Variants in GPR107 observed in about 807,000 individuals in gnomAD.
GPR107 encodes protein GPR107.
In GPR107, 31 loss-of-function variants were observed where a neutral mutation model predicts 75.5. That is an observed-to-expected ratio of 0.41 (90% confidence interval 0.31 to 0.55). The LOEUF (loss-of-function observed/expected upper bound fraction) is 0.55, where lower values mean the gene tolerates loss of function less well. GPR107 is among the 20% of genes least tolerant of loss of function. The pLI is 0.26. For missense variants in GPR107, 572 were observed against 665.7 expected (o/e 0.86, Z 1.55); for synonymous variants, 267 against 251.3 (o/e 1.06, Z -0.59).
chr9:130,097,256 G>A (rs984134282), intron 9 of GPR107, among the ~76,000 whole-genome samples: 2 of 145,786 alleles, frequency 1.4e-5, no homozygotes, highest in Non-Finnish European at 3.0e-5. Flanking sequence ...CTGAGTGCAA[G>A]CGATTCTCCT....
intron 14 of GPR107, among the ~76,000 whole-genome samples, chr9:130,109,959 T>C (rs1831254915): frequency 6.6e-6 from 1 of 152,198 alleles, no homozygotes. Flanking sequence ...CTTCCGGCTG[T>C]TTGGCTAAAA....
Position 130,135,826 on chromosome 9 carries a change from G to C in GPR107, c.*705G>C, listed in dbSNP as rs1346575711. 1.3e-5 allele frequency: 2 copies of C among 152,290 alleles called. No individual in the cohort carries two copies. Among genetic ancestry groups the C allele is most frequent in the Non-Finnish European group, 2.9e-5 (2 of 68,088 alleles). The allele number at this position is 152,290 out of a possible 1,614,324, so 9.4% of individuals were successfully genotyped here. A position where few individuals can be genotyped will look rare whatever the true frequency, so the allele number is the denominator to read the frequency against. On this transcript the variant is annotated 3_prime_UTR_variant, in exon 18 of 18. Coordinates refer to ENST00000347136, the MANE Select transcript of GPR107 (RefSeq NM_020960.5). ...GGATCATGCCCTGTGGCACAGCACA[G>C]GTGGTGGGAGGTGGTTTTCTGACTG...
At chr9:130,094,767 G>A (rs1830824364) in intron 9 of GPR107, among the ~76,000 whole-genome samples, 1 of 151,812 alleles carries the variant, frequency 6.6e-6, no homozygotes, top group Admixed American at 6.6e-5. Context: ...CGCAACCTCT[G>A]TCCCCCAGGT....
intron 11 of GPR107, 60 bp from the exon 12 acceptor site, chr9:130,101,045 CT>C (rs1831017619): frequency 1.1e-6 from 1 of 945,410 alleles, no homozygotes; most frequent in Non-Finnish European, 1.7e-6. Flanking sequence ...GCTATGCAAT[CT>C]AACTGGCAGT....
chr9:130,076,553 T>A, intron 3 of GPR107, 91 bp downstream of exon 3: 1 of 603,548 alleles, frequency 1.7e-6, no homozygotes, highest in Non-Finnish European at 2.9e-6. Context: ...TCCATTTTCA[T>A]TTTTTTTTTG....
chr9:130,108,462 T>G (rs1344415932), intron 14 of GPR107, among the ~76,000 whole-genome samples: 1 of 152,250 alleles, frequency 6.6e-6, no homozygotes, highest in Non-Finnish European at 1.5e-5. Flanking sequence ...TTAAGTTAAA[T>G]TAAACATGAC....
At position 130,135,299 on chromosome 9, in the gene GPR107, G is replaced by A. The variant is rs1408811777; in HGVS notation, c.*178G>A. ...ATTTTGTACTCTCTTTTATGGAAAC[G>A]ATCTGTGGCTGTTTAGAGGCAGCTG... On this transcript the variant is annotated 3_prime_UTR_variant, in exon 18 of 18. Coordinates refer to ENST00000347136, the MANE Select transcript of GPR107 (RefSeq NM_020960.5). The A allele has an allele frequency of 6.4e-6, 3 of 467,518 alleles. No homozygotes were observed. The highest frequency in any genetic ancestry group is 3.7e-5 in the East Asian group (1 of 27,266). 29.0% of individuals were successfully genotyped at this position (467,518 alleles called of 1,614,324 possible).
intron 1 of GPR107, among the ~76,000 whole-genome samples, chr9:130,056,631 A>G (rs1340497737): frequency 6.6e-6 from 1 of 151,854 alleles, no homozygotes; most frequent in Non-Finnish European, 1.5e-5. Context: ...GTTTTAAGAA[A>G]GTTCACAAAT....
chr9:130,089,966 T>G (rs1398174870), intron 7 of GPR107, among the ~76,000 whole-genome samples: 1 of 152,204 alleles, frequency 6.6e-6, no homozygotes, highest in African/African-American at 2.4e-5. Context: ...GTCACCTTTA[T>G]GATCCACCAC....
rs1266827450 is a variant in GPR107 at position 130,126,036 on chromosome 9, G to A, written c.1356+1072G>A. 4.9e-5 allele frequency among the ~76,000 whole-genome samples: 7 copies of A among 143,172 alleles called. No individual in the cohort carries two copies. In the South Asian group the frequency reaches 6.7e-4, roughly 14 times the overall value. 93.9% of individuals were successfully genotyped at this position (143,172 alleles called of 152,430 possible). A position where few individuals can be genotyped will look rare whatever the true frequency, so the allele number is the denominator to read the frequency against. ...AGTGCCACTGCACTCCAGCCTGGGC[G>A]ACAGAGCGAGACTCTGTCTCAAAAA... On this transcript the variant is annotated intron_variant, in intron 15 of 17. Coordinates refer to ENST00000347136, the MANE Select transcript of GPR107 (RefSeq NM_020960.5).
At chr9:130,126,831 A>C (rs1794707553) in intron 15 of GPR107, among the ~76,000 whole-genome samples, 4 of 152,144 alleles carry the variant, frequency 2.6e-5, no homozygotes. Flanking sequence ...GTCATCCACC[A>C]AATAGGCACA....
At position 130,096,173 on chromosome 9, in the gene GPR107, C is replaced by T. The variant is rs77839830; in HGVS notation, c.864-3284C>T. On this transcript the variant is annotated intron_variant, in intron 9 of 17. Transcript: ENST00000347136. ...AAGGTTGCCAGAGTGTGAATGAGCA[C>T]AGCTCTTTGTGGTGGGTGGTTTTAC... Among the ~76,000 whole-genome samples, 27 of 152,296 alleles carry T rather than the reference C, an allele frequency of 1.8e-4. No homozygotes were observed. In the East Asian group the frequency reaches 5.0e-3, roughly 28 times the overall value.
rs781825038 is a variant in GPR107 at position 130,130,637 on chromosome 9, C to T, written c.1562+1876C>T. 9.9e-5 allele frequency among the ~76,000 whole-genome samples: 15 copies of T among 152,138 alleles called. No homozygotes were observed. In the South Asian group the frequency reaches 2.1e-3, roughly 21 times the overall value. On this transcript the variant is annotated intron_variant, in intron 17 of 17. Transcript: ENST00000347136. ...CTATAATCCCAGCACTTTAGGAGGCCGAGGCAGGCAGATCACGAGGTCAGG... is the reference window on the plus strand; with the variant it reads ...CTATAATCCCAGCACTTTAGGAGGCTGAGGCAGGCAGATCACGAGGTCAGG...
intron 1 of GPR107, among the ~76,000 whole-genome samples, 163 bp downstream of exon 1, chr9:130,054,236 C>T (rs1418952048): frequency 6.6e-6 from 1 of 152,174 alleles, no homozygotes. Flanking sequence ...GAAGGCGGGT[C>T]TGGGCGGCGC....
intron 1 of GPR107, among the ~76,000 whole-genome samples, chr9:130,060,126 G>T (rs1332817239): frequency 6.9e-6 from 1 of 145,474 alleles, no homozygotes; most frequent in Non-Finnish European, 1.5e-5. Flanking sequence ...GCAGTGGCGC[G>T]ATCTCGGCTC....
Position 130,053,950 on chromosome 9 carries a change from C to T in GPR107, c.18C>T (p.Pro6=), listed in dbSNP as rs760429542. MAALA[P]VGSPASRGPR... ...GAACAAACATGGCCGCTCTGGCGCC[C>T]GTCGGCTCCCCCGCCTCCCGCGGTC... is the stretch of plus-strand genomic sequence containing the variant. Residue 6 remains proline, a synonymous_variant, in exon 1 of 18, where the codon CCC becomes CCT. Transcript: ENST00000347136. 3.9e-6 allele frequency: 6 copies of T among 1,556,362 alleles called. No individual in the cohort carries two copies. The highest frequency in any genetic ancestry group is 5.2e-6 in the Non-Finnish European group (6 of 1,151,696).
intron 14 of GPR107, among the ~76,000 whole-genome samples, chr9:130,123,801 A>G (rs868517298): frequency 6.6e-6 from 1 of 152,022 alleles, no homozygotes; most frequent in African/African-American, 2.4e-5. Flanking sequence ...CCTGGCCAAG[A>G]TTTAATTTTT....
chr9:130,123,530 C>CTTTTTTTTT (rs57730952), intron 14 of GPR107, among the ~76,000 whole-genome samples: 8 of 127,144 alleles, frequency 6.3e-5, no homozygotes, highest in Non-Finnish European at 1.0e-4. Flanking sequence ...CTTTTCTTTT[C>CTTTTTTTTT]TTTTTTTTTT....
chr9:130,081,694 A>C (rs998731747), intron 5 of GPR107, among the ~76,000 whole-genome samples: 11 of 151,480 alleles, frequency 7.3e-5, no homozygotes, highest in Non-Finnish European at 1.0e-4. Context: ...ACAAAAAACA[A>C]AAAACACAAA....
Sources: allele counts gnomAD v4.1 joint callset (sites outside exome capture counted in the v4.1 genomes callset), GRCh38; gene constraint gnomAD v4.1.1; transcripts MANE v1.5; gene names NCBI Gene and HGNC (gene_info 2026-07-23, HGNC 2026-07-21).